The following ZMAT2 variants were observed in gnomAD, a reference collection of about 807,000 sequenced individuals.
ZMAT2 encodes the protein zinc finger matrin-type protein 2.
A neutral mutation model predicts 27.5 loss-of-function variants in ZMAT2; 5 were observed. That is an observed-to-expected ratio of 0.18 (90% CI 0.10 to 0.38). ZMAT2 has a LOEUF of 0.38. ZMAT2 is among the 10% of genes least tolerant of loss of function. The pLI is 1.00. For synonymous variants in ZMAT2, 76 were observed against 78.6 expected, an observed-to-expected ratio of 0.97 and a Z score of 0.17; for missense variants, 124 against 243.9, an observed-to-expected ratio of 0.51 and a Z score of 3.27.
At chr5:140,704,596 C>T in intron 5 of ZMAT2, 25 bp downstream of exon 5, 1 of 1,609,782 alleles carries the variant, frequency 6.2e-7, no homozygotes, top group South Asian at 1.1e-5. Flanking sequence ...TCCTTCCCCT[C>T]TCCCCCAGAT....
Position 140,705,684 on chromosome 5 carries a change from A to G in ZMAT2, c.528A>G (p.Thr176=), listed in dbSNP as rs781664049. 1.9e-6 allele frequency: 3 copies of G among 1,614,120 alleles called. No individual in the cohort carries two copies. Among genetic ancestry groups the G allele is most frequent in the Admixed American group, 3.3e-5 (2 of 60,002 alleles). ...AAAGGAGGGCTGAGGAGGACTTGAC[A>G]TTTGAGGAGGACGATGAGATGGCAG... The part of the protein sequence containing the change: ...EKKRRAEEDL[T]FEEDDEMAAV... The change falls in exon 6 of 6, where the codon ACA becomes ACG. Residue 176 remains threonine, a synonymous_variant. Transcript: ENST00000274712.
At position 140,700,475 on chromosome 5, in the gene ZMAT2, C is replaced by T. The variant is rs1368138616; in HGVS notation, c.15C>T (p.Ser5=). 6.8e-6 allele frequency: 11 copies of T among 1,612,738 alleles called. No individual in the cohort carries two copies. The highest frequency in any genetic ancestry group is 1.9e-4 in the Middle Eastern group (1 of 5,260). Residue 5 remains serine (S), a synonymous_variant, in exon 1 of 6, where the codon AGC becomes AGT. Transcript: ENST00000274712. ...TCGCTGTGAAGATGGCGTCGGGCAG[C>T]GGGGTAGGTGTTGTGTCTGAGGAGG... is the stretch of plus-strand genomic sequence containing the variant. MASG[S]GTKNLDFRRK...
intron 5 of ZMAT2, among the ~76,000 whole-genome samples, chr5:140,704,805 A>T (rs1581560820): frequency 2.8e-5 from 4 of 144,258 alleles, no homozygotes; most frequent in South Asian, 4.4e-4. Context: ...TTTTTTTGTA[A>T]TTTAAAAAAA....
At chr5:140,701,507 C>T (rs1341600350) in intron 2 of ZMAT2, among the ~76,000 whole-genome samples, 2 of 152,130 alleles carry the variant, frequency 1.3e-5, no homozygotes, top group Non-Finnish European at 2.9e-5. Context: ...TTCCCTTTAC[C>T]TCCAGGCCAC....
At chr5:140,703,434 G>C (rs1053589304) in intron 3 of ZMAT2, among the ~76,000 whole-genome samples, 1 of 151,578 alleles carries the variant, frequency 6.6e-6, no homozygotes, top group African/African-American at 2.4e-5. Flanking sequence ...GGGTTTCTCC[G>C]TGTTGGTCAG....
chr5:140,704,105 AAGAAGGGT>A (rs879147244), intron 4 of ZMAT2, 114 bp downstream of exon 4: 1 of 1,013,902 alleles, frequency 9.9e-7, no homozygotes, highest in South Asian at 1.4e-5. Context: ...TGGCTGGAGT[AAGAAGGGT>A]AGTTTCTACT....
At chr5:140,703,100 G>A (rs1374601151) in intron 3 of ZMAT2, among the ~76,000 whole-genome samples, 1 of 152,180 alleles carries the variant, frequency 6.6e-6, no homozygotes, top group African/African-American at 2.4e-5. Flanking sequence ...CAATCAAGGA[G>A]TTGGCAAGGT....
chr5:140,702,272 C>T, intron 3 of ZMAT2, 143 bp downstream of exon 3: 4 of 1,137,648 alleles, frequency 3.5e-6, no homozygotes, highest in Non-Finnish European at 4.9e-6. Context: ...ATTTGTTTTT[C>T]TGTGTCTCCC....
chr5:140,704,390 A>G, intron 4 of ZMAT2, 36 bp from the exon 5 acceptor site: 1 of 1,581,846 alleles, frequency 6.3e-7, no homozygotes, highest in Non-Finnish European at 8.6e-7. Context: ...AGGATGTTGT[A>G]ATGAACTTGC....
chr5:140,705,814 G>T lies in ZMAT2; in HGVS notation c.*58G>T. The stretch of plus-strand genomic sequence containing the variant: ...GCTGGACCTAACTTTGCGTGTGTGT[G>T]TGTGTAGTAGGGGGTCATTTCTTTT... On this transcript the variant is annotated 3_prime_UTR_variant, in exon 6 of 6. Transcript: ENST00000274712. 1 of 1,584,394 alleles carries T rather than the reference G, an allele frequency of 6.3e-7. No homozygotes were observed. The highest frequency in any genetic ancestry group is 1.1e-5 in the South Asian group (1 of 88,916).
chr5:140,701,816 A>G (rs1759968889), intron 2 of ZMAT2, among the ~76,000 whole-genome samples, 190 bp from the exon 3 acceptor site: 1 of 152,224 alleles, frequency 6.6e-6, no homozygotes, highest in Non-Finnish European at 1.5e-5. Flanking sequence ...AAAGCTGTAG[A>G]GTTGAGGATT....
chr5:140,705,946 G>A lies in ZMAT2; in HGVS notation c.*190G>A. 1.6e-6 allele frequency: 1 copy of A among 640,514 alleles called. No individual in the cohort carries two copies. The highest frequency in any genetic ancestry group is 2.5e-6 in the Non-Finnish European group (1 of 407,650). 39.7% of individuals were successfully genotyped at this position (640,514 alleles called of 1,614,324 possible). On this transcript the variant is annotated 3_prime_UTR_variant, in exon 6 of 6. Coordinates refer to ENST00000274712, the MANE Select transcript of ZMAT2 (RefSeq NM_144723.3). ...GGGCACAGATTGCAGAGGTAATGCT[G>A]TGGCATATTGCTTCTGCCTCAGTGT...
chr5:140,704,880 C>A (rs1760030464), intron 5 of ZMAT2, among the ~76,000 whole-genome samples: 1 of 146,970 alleles, frequency 6.8e-6, no homozygotes. Context: ...TACTGATAAA[C>A]CTATCATCAA....
chr5:140,700,719 C>T lies in ZMAT2; in HGVS notation c.19-100C>T. 3 of 1,418,624 alleles carry T rather than the reference C, an allele frequency of 2.1e-6. No individual in the cohort carries two copies. The African/African-American group carries it at 4.3e-5, about 20-fold the overall frequency. The allele number at this position is 1,418,624 out of a possible 1,614,324, so 87.9% of individuals were successfully genotyped here. Reference sequence around the variant, plus strand: ...GTACAGTCCAAAGAGGCTTTGCTTTCAAAACGTCCTGTAGACACCTGGACC... The same window carrying T: ...GTACAGTCCAAAGAGGCTTTGCTTTTAAAACGTCCTGTAGACACCTGGACC... On this transcript the variant is annotated intron_variant, in intron 1 of 5. Coordinates refer to ENST00000274712, the MANE Select transcript of ZMAT2 (RefSeq NM_144723.3).
At chr5:140,700,609 C>G (rs532597586) in intron 1 of ZMAT2, 131 bp downstream of exon 1, 815 of 1,539,326 alleles carry the variant, frequency 5.3e-4, no homozygotes, top group Non-Finnish European at 7.0e-4. Context: ...GGTTCAAGAA[C>G]TCCCCAGTAA....
Position 140,705,790 on chromosome 5 carries a change from C to T in ZMAT2, c.*34C>T, listed in dbSNP as rs762991993. 6.2e-7 allele frequency: 1 copy of T among 1,605,990 alleles called. No homozygotes were observed. Among genetic ancestry groups the T allele is most frequent in the Non-Finnish European group, 8.5e-7 (1 of 1,176,390 alleles). ...GTGCTTGGCCTGACTTTGGCCTATG[C>T]TGGACCTAACTTTGCGTGTGTGTGT... On this transcript the variant is annotated 3_prime_UTR_variant, in exon 6 of 6. Coordinates refer to ENST00000274712, the MANE Select transcript of ZMAT2 (RefSeq NM_144723.3).
chr5:140,701,366 T>C (rs1045558347), intron 2 of ZMAT2, among the ~76,000 whole-genome samples: 1 of 152,190 alleles, frequency 6.6e-6, no homozygotes, highest in Non-Finnish European at 1.5e-5. Context: ...CTGTGATTGT[T>C]TCAGCTAGAG....
intron 2 of ZMAT2, 135 bp from the exon 3 acceptor site, chr5:140,701,871 T>A (rs1759969893): frequency 4.8e-6 from 5 of 1,046,170 alleles, no homozygotes; most frequent in Non-Finnish European, 4.0e-6. Context: ...AGCTGCTACT[T>A]TAAGTGTCTG....
intron 3 of ZMAT2, 25 bp from the exon 4 acceptor site, chr5:140,703,893 C>T: frequency 1.2e-6 from 2 of 1,605,768 alleles, no homozygotes; most frequent in African/African-American, 2.7e-5. Context: ...CCATATTTGA[C>T]TCAGGTGCTG....
Sources: gnomAD v4.1 joint callset for allele counts (sites outside exome capture counted in the v4.1 genomes callset) on GRCh38, gnomAD v4.1.1 for gene constraint, MANE v1.5 for transcripts, NCBI Gene and HGNC (gene_info 2026-07-23, HGNC 2026-07-21) for gene names.